BRINP3: variants seen among roughly 807,000 people sequenced by gnomAD.
BRINP3 encodes the protein BMP/retinoic acid-inducible neural-specific protein 3.
BRINP3 carries 19 observed loss-of-function variants against 71.0 expected under a neutral mutation model. The observed-to-expected ratio is 0.27, with a 90% CI of 0.19 to 0.39. The LOEUF (loss-of-function observed/expected upper bound fraction) is 0.39, where lower values mean the gene tolerates loss of function less well. Ranked by LOEUF, BRINP3 falls within the 10% of genes least tolerant of loss-of-function variation. BRINP3 has a pLI of 1.00. For synonymous variants in BRINP3, 380 were observed against 337.7 expected (o/e 1.13, Z -1.37); for missense variants, 959 against 940.8 (o/e 1.02, Z -0.25).
chr1:190,258,840 A>G (rs1026011434), intron 4 of BRINP3, among the ~76,000 whole-genome samples: 2 of 152,164 alleles, frequency 1.3e-5, no homozygotes, highest in African/African-American at 4.8e-5. Flanking sequence ...TGTAGCCACA[A>G]GATAAAGCTG....
intron 6 of BRINP3, among the ~76,000 whole-genome samples, chr1:190,202,932 G>T (rs1026513693): frequency 2.0e-5 from 3 of 151,990 alleles, no homozygotes; most frequent in Non-Finnish European, 4.4e-5. Flanking sequence ...AGGGTCATTT[G>T]CCCAGCACAG....
At chr1:190,106,254 A>C (rs2102263117) in intron 7 of BRINP3, among the ~76,000 whole-genome samples, 1 of 151,886 alleles carries the variant, frequency 6.6e-6, no homozygotes, top group African/African-American at 2.4e-5. Context: ...TAAAACAATT[A>C]TATACATACA....
At chr1:190,423,169 T>C (rs1410855401) in intron 2 of BRINP3, among the ~76,000 whole-genome samples, 1 of 151,744 alleles carries the variant, frequency 6.6e-6, no homozygotes, top group African/African-American at 2.4e-5. Context: ...AGACATGTAT[T>C]CTGCTCCCCA....
intron 6 of BRINP3, among the ~76,000 whole-genome samples, chr1:190,224,072 A>T (rs2102694581): frequency 6.6e-6 from 1 of 151,978 alleles, no homozygotes; most frequent in Middle Eastern, 3.4e-3. Flanking sequence ...CTACTAAAGC[A>T]ATTTACGGAT....
intron 4 of BRINP3, among the ~76,000 whole-genome samples, chr1:190,253,672 A>T (rs958716730): frequency 6.6e-6 from 1 of 152,160 alleles, no homozygotes; most frequent in Non-Finnish European, 1.5e-5. Flanking sequence ...GATTCTGGAT[A>T]TTAGCCCTTT....
At chr1:190,322,569 T>C (rs12091719) in intron 2 of BRINP3, among the ~76,000 whole-genome samples, 2,405 of 151,908 alleles carry the variant, frequency 0.016, 61 homozygotes, top group African/African-American at 0.055. Flanking sequence ...TAAGACAGGG[T>C]AGTGATGAAG....
At position 190,449,924 on chromosome 1, in the gene BRINP3, G is replaced by A. The variant is rs577828301; in HGVS notation, c.236+4731C>T. Among the ~76,000 whole-genome samples the A allele has an allele frequency of 3.2e-4, 48 of 152,088 alleles. No individual in the cohort carries two copies. The East Asian group carries it at 4.6e-3, about 15-fold the overall frequency. On this transcript the variant is annotated intron_variant, in intron 2 of 7. Coordinates refer to ENST00000367462, the MANE Select transcript of BRINP3 (RefSeq NM_199051.3). ...TATGTAATCATTAATATTAGTACTC[G>A]TATATTCCCTTCCAGAGTTGCCAAA...
chr1:190,331,811 C>T (rs1018498741), intron 2 of BRINP3, among the ~76,000 whole-genome samples: 4 of 151,994 alleles, frequency 2.6e-5, no homozygotes, highest in South Asian at 2.1e-4. Flanking sequence ...CTATTACTTG[C>T]AGCAGTGAGC....
intron 7 of BRINP3, among the ~76,000 whole-genome samples, chr1:190,147,728 T>C (rs968590504): frequency 6.6e-6 from 1 of 152,202 alleles, no homozygotes; most frequent in South Asian, 2.1e-4. Flanking sequence ...CATGGTTAGA[T>C]TGGACTGCTA....
intron 4 of BRINP3, among the ~76,000 whole-genome samples, chr1:190,256,447 C>T (rs905216809): frequency 2.0e-5 from 3 of 152,120 alleles, no homozygotes; most frequent in Non-Finnish European, 2.9e-5. Flanking sequence ...ATCCAATTTG[C>T]CACTCTGTGT....
intron 2 of BRINP3, among the ~76,000 whole-genome samples, chr1:190,346,985 C>T (rs1668063517): frequency 6.6e-6 from 1 of 152,060 alleles, no homozygotes; most frequent in South Asian, 2.1e-4. Context: ...ATCATTTTTA[C>T]AGTCAACCAG....
chr1:190,477,768 C>A lies in BRINP3; in HGVS notation c.-371G>T, dbSNP rs1210586461. 6.6e-6 allele frequency: 1 copy of A among 152,104 alleles called. No homozygotes were observed. The highest frequency in any genetic ancestry group is 2.4e-5 in the African/African-American group (1 of 41,400). 9.4% of individuals were successfully genotyped at this position (152,104 alleles called of 1,614,324 possible). A position where few individuals can be genotyped will look rare whatever the true frequency, so the allele number is the denominator to read the frequency against. On this transcript the variant is annotated 5_prime_UTR_variant, in exon 1 of 8. Transcript: ENST00000367462. Reference sequence around the variant, plus strand: ...CCCATACAGTGGGGAAAGGCAGAAGCTGTGTAACCCCAGAGAACAGGAGGT... The same window carrying A: ...CCCATACAGTGGGGAAAGGCAGAAGATGTGTAACCCCAGAGAACAGGAGGT...
chr1:190,183,746 C>T (rs2095171), intron 6 of BRINP3, among the ~76,000 whole-genome samples: 22,494 of 151,264 alleles, frequency 0.15, 2,635 homozygotes, highest in African/African-American at 0.3. Flanking sequence ...CATTACCACT[C>T]GGTGGGGATG....
intron 1 of BRINP3, among the ~76,000 whole-genome samples, chr1:190,467,857 A>G (rs1676862806): frequency 6.6e-6 from 1 of 151,568 alleles, no homozygotes; most frequent in Non-Finnish European, 1.5e-5. Context: ...ATTTTTGATA[A>G]CAGTCTTTAC....
chr1:190,303,228 T>C (rs1025449154), intron 2 of BRINP3, among the ~76,000 whole-genome samples: 2 of 151,804 alleles, frequency 1.3e-5, no homozygotes, highest in Admixed American at 6.6e-5. Context: ...GAAACAGTAA[T>C]GCTTTGATAT....
Position 190,469,366 on chromosome 1 carries a change from C to G in BRINP3, c.-51+8082G>C, listed in dbSNP as rs144312975. ...CTATTACTGTAAACTCAAGTATAGT[C>G]ATTTAATTTTAATATTTTCAATAAG... is the stretch of plus-strand genomic sequence containing the variant. On this transcript the variant is annotated intron_variant, in intron 1 of 7. Coordinates refer to ENST00000367462, the MANE Select transcript of BRINP3 (RefSeq NM_199051.3). 7.0e-4 allele frequency among the ~76,000 whole-genome samples: 106 copies of G among 150,914 alleles called. 2 individuals are homozygous for G. The East Asian group carries it at 0.02, about 28-fold the overall frequency.
chr1:190,333,577 AATT>A (rs1248002342), intron 2 of BRINP3, among the ~76,000 whole-genome samples: 1 of 151,994 alleles, frequency 6.6e-6, no homozygotes, highest in Non-Finnish European at 1.5e-5. Context: ...AAATATATCA[AATT>A]ATGGCATCAC....
intron 6 of BRINP3, among the ~76,000 whole-genome samples, chr1:190,170,530 T>C (rs1651922260): frequency 6.6e-6 from 1 of 152,172 alleles, no homozygotes; most frequent in African/African-American, 2.4e-5. Context: ...TGAAGCCATT[T>C]TTTTATATCT....
rs553399078 is a variant in BRINP3 at position 190,113,900 on chromosome 1, C to T, written c.1185-14766G>A. ...ACTAATAACGCAAACTAGGTTTTAC[C>T]AGAATATCTTTAAATTTCTTTCCAG... On this transcript the variant is annotated intron_variant, in intron 7 of 7. Transcript: ENST00000367462. 8.5e-5 allele frequency among the ~76,000 whole-genome samples: 13 copies of T among 152,176 alleles called. No homozygotes were observed. The East Asian group carries it at 2.1e-3, about 25-fold the overall frequency.
Sources: allele counts gnomAD v4.1 joint callset (sites outside exome capture counted in the v4.1 genomes callset), GRCh38; gene constraint gnomAD v4.1.1; transcripts MANE v1.5; gene names NCBI Gene and HGNC (gene_info 2026-07-23, HGNC 2026-07-21).